RDH8: variants seen among roughly 807,000 people sequenced by gnomAD.
The protein encoded by RDH8 is photoreceptor outer segment all-trans retinol dehydrogenase.
A neutral mutation model predicts 22.3 loss-of-function variants in RDH8; 14 were observed. That is an observed-to-expected ratio of 0.63 (90% CI 0.42 to 0.98). The LOEUF (loss-of-function observed/expected upper bound fraction) is 0.98. RDH8 is among the 50% of genes least tolerant of loss of function. The probability of loss-of-function intolerance (pLI) is 0.00; values close to 1 mark genes in which losing one functional copy is unlikely to be tolerated. For synonymous variants in RDH8, 175 were observed against 171.7 expected, an observed-to-expected ratio of 1.02 and a Z score of -0.15; for missense variants, 389 against 409.8, an observed-to-expected ratio of 0.95 and a Z score of 0.44.
intron 1 of RDH8, 116 bp downstream of exon 1, chr19:10,013,716 C>T: frequency 4.8e-6 from 5 of 1,050,262 alleles, no homozygotes; most frequent in Non-Finnish European, 7.0e-6. Flanking sequence ...CCCAGGATTC[C>T]CTCCAGGAAT....
At chr19:10,018,587 A>G (rs1272159517) in intron 2 of RDH8, 144 bp from the exon 3 acceptor site, 8 of 619,822 alleles carry the variant, frequency 1.3e-5, no homozygotes, top group Non-Finnish European at 1.9e-5. Context: ...TTTAAAGGTT[A>G]CCAAGGTTTC....
At chr19:10,014,773 G>T (rs1208297639) in intron 1 of RDH8, among the ~76,000 whole-genome samples, 1 of 152,136 alleles carries the variant, frequency 6.6e-6, no homozygotes, top group Non-Finnish European at 1.5e-5. Flanking sequence ...CTGGTCTCAG[G>T]TGATCTGCCT....
At position 10,020,369 on chromosome 19, in the gene RDH8, G is replaced by GAAGA. The variant is rs1568442774; in HGVS notation, c.443-337_443-336insAAAG. Among the ~76,000 whole-genome samples the GAAGA allele has an allele frequency of 5.0e-5, 7 of 138,652 alleles. 2 individuals carry two copies. Among genetic ancestry groups the GAAGA allele is most frequent in the African/African-American group, 1.9e-4 (7 of 37,046 alleles). The allele number at this position is 138,652 out of a possible 152,430, so 91.0% of individuals were successfully genotyped here. A position where few individuals can be genotyped will look rare whatever the true frequency, so the allele number is the denominator to read the frequency against. On this transcript the variant is annotated intron_variant, in intron 3 of 5. Coordinates refer to ENST00000591589, the MANE Select transcript of RDH8 (RefSeq NM_015725.4). ...GGGAGGGAGGGAGGGAGGAAGGAAG[G>GAAGA]AAGGGAGGGAGGAAGAGAGACAAGG... is the stretch of plus-strand genomic sequence containing the variant.
At position 10,013,489 on chromosome 19, in the gene RDH8, G is replaced by T; in HGVS notation, c.-9G>T. 1.2e-6 allele frequency: 2 copies of T among 1,611,942 alleles called. No individual in the cohort carries two copies. The highest frequency in any genetic ancestry group is 2.7e-5 in the African/African-American group (2 of 75,002). ...CGGCGGAGGTCACGAGTCCAGGGAGGGGATCAACATGGCCGCTGCACCCCG... is the reference window on the plus strand; with the variant it reads ...CGGCGGAGGTCACGAGTCCAGGGAGTGGATCAACATGGCCGCTGCACCCCG... On this transcript the variant is annotated 5_prime_UTR_variant, in exon 1 of 6. Transcript: ENST00000591589.
intron 2 of RDH8, among the ~76,000 whole-genome samples, chr19:10,018,240 A>G (rs2087634460): frequency 6.6e-6 from 1 of 152,194 alleles, no homozygotes; most frequent in Non-Finnish European, 1.5e-5. Flanking sequence ...CACCATGCCC[A>G]GCTCAAAAAT....
At chr19:10,020,612 C>T (rs768968641) in intron 3 of RDH8, 97 bp from the exon 4 acceptor site, 8 of 732,010 alleles carry the variant, frequency 1.1e-5, no homozygotes, top group Non-Finnish European at 1.9e-5. Context: ...GTTCCCACAT[C>T]CTCTTTGCTC....
chr19:10,014,699 G>A (rs866716637), intron 1 of RDH8, among the ~76,000 whole-genome samples: 4 of 151,976 alleles, frequency 2.6e-5, no homozygotes, highest in South Asian at 2.1e-4. Context: ...CACCACACCC[G>A]GCTAAGTTTT....
At chr19:10,020,379 A>G (rs1242593149) in intron 3 of RDH8, among the ~76,000 whole-genome samples, 1 of 151,380 alleles carries the variant, frequency 6.6e-6, no homozygotes, top group Non-Finnish European at 1.5e-5. Flanking sequence ...GAAGGGAGGG[A>G]GGAAGAGAGA....
At chr19:10,019,870 G>A (rs1306431384) in intron 3 of RDH8, among the ~76,000 whole-genome samples, 1 of 152,008 alleles carries the variant, frequency 6.6e-6, no homozygotes, top group Non-Finnish European at 1.5e-5. Context: ...GCCAGATGTG[G>A]TGGTTCATGC....
chr19:10,020,096 G>A (rs1454960238), intron 3 of RDH8, among the ~76,000 whole-genome samples: 4 of 151,866 alleles, frequency 2.6e-5, no homozygotes, highest in African/African-American at 2.4e-5. Context: ...CAGCCTGAAC[G>A]ACAGAGTGAG....
chr19:10,014,589 G>A (rs1362136825), intron 1 of RDH8, among the ~76,000 whole-genome samples: 1 of 152,016 alleles, frequency 6.6e-6, no homozygotes, highest in Non-Finnish European at 1.5e-5. Context: ...CACCCAGGCT[G>A]AGTGCAGTGG....
At position 10,020,510 on chromosome 19, in the gene RDH8, GC is replaced by G. The variant is rs905014018; in HGVS notation, c.443-198del. Among the ~76,000 whole-genome samples, 231 of 152,036 alleles carry G rather than the reference GC, an allele frequency of 1.5e-3. 1 individual carries two copies. The highest frequency in any genetic ancestry group is 5.3e-3 in the African/African-American group (220 of 41,480). On this transcript the variant is annotated intron_variant, in intron 3 of 5. Coordinates refer to ENST00000591589, the MANE Select transcript of RDH8 (RefSeq NM_015725.4). The stretch of plus-strand genomic sequence containing the variant: ...TGGAGCTGGGAGGAGGTGGCACCCG[GC>G]ACCCGAGAACAACCTCTTTCTGACC...
intron 2 of RDH8, among the ~76,000 whole-genome samples, 175 bp from the exon 3 acceptor site, chr19:10,018,555 CT>C (rs2087636121): frequency 6.6e-6 from 1 of 152,174 alleles, no homozygotes; most frequent in African/African-American, 2.4e-5. Flanking sequence ...TGAGGATCCC[CT>C]ATGACAAATG....
intron 1 of RDH8, 146 bp from the exon 2 acceptor site, chr19:10,016,911 T>C (rs769369485): frequency 3.1e-4 from 259 of 824,090 alleles, no homozygotes; most frequent in Non-Finnish European, 4.4e-4. Context: ...AAGTGTGCAC[T>C]TGTTGGCTGA....
rs766305691 is a variant in RDH8 at position 10,021,280 on chromosome 19, G to A, written c.562G>A (p.Val188Met). The A allele has an allele frequency of 4.8e-5, 78 of 1,614,004 alleles. No individual in the cohort carries two copies. The highest frequency in any genetic ancestry group is 4.5e-5 in the East Asian group (2 of 44,892). Reference sequence around the variant, plus strand: ...CATCTCCCTGGTGGAGCCAGGCCCCGTGGTCACCGAGTTTGAGGGGAAGCT... The same window carrying A: ...CATCTCCCTGGTGGAGCCAGGCCCCATGGTCACCGAGTTTGAGGGGAAGCT... ...IFISLVEPGP[V>M]VTEFEGKLLA... Residue 188 changes from valine (V) to methionine (M), a missense_variant, in exon 5 of 6, where the codon GTG (valine) becomes ATG (methionine). Transcript: ENST00000591589.
At chr19:10,016,530 G>A (rs547007359) in intron 1 of RDH8, among the ~76,000 whole-genome samples, 8 of 151,626 alleles carry the variant, frequency 5.3e-5, no homozygotes, top group Non-Finnish European at 1.0e-4. Context: ...GCTCCATCTC[G>A]GCTCACTGCA....
chr19:10,020,821 C>T lies in RDH8; in HGVS notation c.536+19C>T, dbSNP rs774857763. On this transcript the variant is annotated intron_variant, in intron 4 of 5. Transcript: ENST00000591589. ...ACATCTTGTGAGGCGGGCACGTGGG[C>T]AGAGGGGGCTTGGAGCCAGTGATGG... 2.1e-5 allele frequency: 33 copies of T among 1,581,020 alleles called. No individual in the cohort carries two copies. In the East Asian group the frequency reaches 7.2e-4, roughly 34 times the overall value.
chr19:10,021,279 C>G lies in RDH8; in HGVS notation c.561C>G (p.Pro187=). 1.2e-6 allele frequency: 2 copies of G among 1,614,148 alleles called. No homozygotes were observed. The highest frequency in any genetic ancestry group is 1.7e-6 in the Non-Finnish European group (2 of 1,180,028). ...GCATCTCCCTGGTGGAGCCAGGCCC[C>G]GTGGTCACCGAGTTTGAGGGGAAGC... ...NIFISLVEPG[P]VVTEFEGKLL... Residue 187 remains proline (P), a synonymous_variant, in exon 5 of 6, where the codon CCC becomes CCG. Coordinates refer to ENST00000591589, the MANE Select transcript of RDH8 (RefSeq NM_015725.4).
chr19:10,016,215 C>T lies in RDH8; in HGVS notation c.104-842C>T, dbSNP rs1272287844. ...AGGCTGGAGTGCAGTGGCGCTATCT[C>T]GGCTCACTGCAAGCTCCGCCTCCCG... On this transcript the variant is annotated intron_variant, in intron 1 of 5. Transcript: ENST00000591589. Among the ~76,000 whole-genome samples the T allele has an allele frequency of 9.3e-5, 14 of 151,080 alleles. 1 individual carries two copies. The South Asian group carries it at 2.5e-3, about 27-fold the overall frequency.
Sources: gnomAD v4.1 joint callset for allele counts (sites outside exome capture counted in the v4.1 genomes callset) on GRCh38, gnomAD v4.1.1 for gene constraint, MANE v1.5 for transcripts, NCBI Gene and HGNC (gene_info 2026-07-23, HGNC 2026-07-21) for gene names.